CYP4F3: variants seen among roughly 807,000 people sequenced by gnomAD.
The protein encoded by CYP4F3 is cytochrome P450 4F3.
In CYP4F3, 50 loss-of-function variants were observed where a neutral mutation model predicts 54.8. That is an observed-to-expected ratio of 0.91 (90% CI 0.73 to 1.16). CYP4F3 has a LOEUF of 1.16. Among genes scored for constraint, CYP4F3 ranks in the 50% most tolerant of loss-of-function variants. The pLI is 0.00. For synonymous variants in CYP4F3, 244 were observed against 262.6 expected (o/e 0.93, Z 0.69); for missense variants, 715 against 676.2 (o/e 1.06, Z -0.64).
chr19:15,650,722 T>TTCTTTCTTTC (rs1568397936), intron 7 of CYP4F3, among the ~76,000 whole-genome samples: 1 of 46,730 alleles, frequency 2.1e-5, no homozygotes, highest in Non-Finnish European at 3.7e-5. Context: ...CTTTCTTTCT[T>TTCTTTCTTTC]TCTTTCTTTC....
In CYP4F3 at chr19:15,652,853, G is replaced by T; in HGVS notation, c.1016G>T (p.Trp339Leu). Residue 339 changes from tryptophan (W) to leucine (L), a missense_variant, in exon 9 of 13, where the codon TGG becomes TTG. By Grantham distance (61) the Trp-to-Leu change is moderately conservative. Transcript: ENST00000221307. ...GHDTTASGLS[W>L]VLYHLAKHPE... ...GACACCACAGCCAGTGGTCTCTCCT[G>T]GGTCCTGTACCACCTTGCAAAGCAC... 6.2e-7 allele frequency: 1 copy of T among 1,613,650 alleles called. No individual in the cohort carries two copies. The highest frequency in any genetic ancestry group is 8.5e-7 in the Non-Finnish European group (1 of 1,179,746).
Position 15,660,095 on chromosome 19 carries a change from T to C in CYP4F3, c.*710T>C, listed in dbSNP as rs1772046302. ...CAAAAGAATATGTTGTGAGCATCTT[T>C]CCATGATATTAAATCATCTTAGGAA... On this transcript the variant is annotated 3_prime_UTR_variant, in exon 13 of 13. Coordinates refer to ENST00000221307, the MANE Select transcript of CYP4F3 (RefSeq NM_000896.3). 1 of 152,264 alleles carries C rather than the reference T, an allele frequency of 6.6e-6. No homozygotes were observed. The highest frequency in any genetic ancestry group is 2.4e-5 in the African/African-American group (1 of 41,462). The allele number at this position is 152,264 out of a possible 1,614,324, so 9.4% of individuals were successfully genotyped here.
chr19:15,644,354 C>T (rs935668136), intron 2 of CYP4F3, among the ~76,000 whole-genome samples: 4 of 152,186 alleles, frequency 2.6e-5, no homozygotes, highest in African/African-American at 4.8e-5. Flanking sequence ...GAGACATCCC[C>T]AACTTCATGG....
At chr19:15,644,509 G>A (rs959815488) in intron 2 of CYP4F3, among the ~76,000 whole-genome samples, 2 of 152,222 alleles carry the variant, frequency 1.3e-5, no homozygotes, top group African/African-American at 4.8e-5. Context: ...GGAGAGTGCA[G>A]GGTGATGCAA....
chr19:15,645,325 G>T (rs1249353533), intron 2 of CYP4F3, among the ~76,000 whole-genome samples: 1 of 152,144 alleles, frequency 6.6e-6, no homozygotes, highest in Admixed American at 6.5e-5. Flanking sequence ...TACTGTTTTG[G>T]GGGCACAAAG....
chr19:15,659,075 A>T, intron 12 of CYP4F3, 145 bp from the exon 13 acceptor site: 1 of 1,283,636 alleles, frequency 7.8e-7, no homozygotes, highest in Non-Finnish European at 1.1e-6. Context: ...ATGCAAGCCC[A>T]CATGGGGATC....
chr19:15,661,854 A>G lies in CYP4F3; in HGVS notation c.*2469A>G, dbSNP rs993106096. ...TCCTACATTTTCTTTTAAAAGTTTT[A>G]TAGTTTCAGAGTTTACATGTAATTC... is the stretch of plus-strand genomic sequence containing the variant. On this transcript the variant is annotated 3_prime_UTR_variant, in exon 13 of 13. Coordinates refer to ENST00000221307, the MANE Select transcript of CYP4F3 (RefSeq NM_000896.3). 2.0e-5 allele frequency: 3 copies of G among 152,210 alleles called. No homozygotes were observed. The highest frequency in any genetic ancestry group is 7.2e-5 in the African/African-American group (3 of 41,448). 9.4% of individuals were successfully genotyped at this position (152,210 alleles called of 1,614,324 possible). A position where few individuals can be genotyped will look rare whatever the true frequency, so the allele number is the denominator to read the frequency against.
At position 15,649,301 on chromosome 19, in the gene CYP4F3, C is replaced by T; in HGVS notation, c.647+20C>T. 1 of 1,611,992 alleles carries T rather than the reference C, an allele frequency of 6.2e-7. No homozygotes were observed. Among genetic ancestry groups the T allele is most frequent in the Admixed American group, 1.7e-5 (1 of 59,906 alleles). On this transcript the variant is annotated intron_variant, in intron 6 of 12. Coordinates refer to ENST00000221307, the MANE Select transcript of CYP4F3 (RefSeq NM_000896.3). ...CCAGGAGTAAGTTCTTGCCCAGGGT[C>T]TGGGATCCTGGGCCGTGGACACAAA...
chr19:15,658,344 C>A lies in CYP4F3; in HGVS notation c.1196C>A (p.Ser399Tyr). The A allele has an allele frequency of 6.2e-7, 1 of 1,614,206 alleles. No individual in the cohort carries two copies. Among genetic ancestry groups the A allele is most frequent in the Non-Finnish European group, 8.5e-7 (1 of 1,180,040 alleles). Residue 399 changes from serine to tyrosine, a missense_variant, in exon 10 of 13, where the codon TCT becomes TAT. By Grantham distance (144) the Ser-to-Tyr change is moderately radical. Coordinates refer to ENST00000221307, the MANE Select transcript of CYP4F3 (RefSeq NM_000896.3). ...CTGCATCCCCCAGTCCCTGCCGTCT[C>A]TCGCTGCTGCACCCAAGACATTGTG... ...LRLHPPVPAVSRCCTQDIVLP... is the reference protein window; with the variant it reads ...LRLHPPVPAVYRCCTQDIVLP...
In CYP4F3 at chr19:15,641,531, A is replaced by C; in HGVS notation, c.116A>C (p.Tyr39Ser). 6.2e-7 allele frequency: 1 copy of C among 1,614,088 alleles called. No individual in the cohort carries two copies. The highest frequency in any genetic ancestry group is 8.5e-7 in the Non-Finnish European group (1 of 1,180,020). The change falls in exon 2 of 13, where the codon TAT becomes TCT. Residue 39 changes from tyrosine to serine, a missense_variant. Coordinates refer to ENST00000221307, the MANE Select transcript of CYP4F3 (RefSeq NM_000896.3). ...WLLARILAWT[Y>S]TFYDNCCRLR... ...CTGGCCCGCATCCTGGCCTGGACCT[A>C]TACCTTCTATGACAACTGCTGCCGC...
intron 12 of CYP4F3, 93 bp downstream of exon 12, chr19:15,658,902 C>A: frequency 6.8e-7 from 1 of 1,479,304 alleles, no homozygotes; most frequent in Non-Finnish European, 9.2e-7. Flanking sequence ...GTAGACGGTC[C>A]GAGTTCCAGC....
chr19:15,648,019 A>C (rs1972681951), intron 5 of CYP4F3, among the ~76,000 whole-genome samples: 2 of 152,308 alleles, frequency 1.3e-5, no homozygotes, highest in African/African-American at 4.8e-5. Context: ...AATCAATGGC[A>C]GGGGGTAAAA....
chr19:15,646,942 G>C (rs1039104797), intron 3 of CYP4F3, 110 bp from the exon 4 acceptor site: 6 of 1,481,854 alleles, frequency 4.0e-6, no homozygotes, highest in Non-Finnish European at 5.5e-6. Context: ...TTCTTGCTAT[G>C]TGGGGCTTGG....
chr19:15,657,325 T>G (rs1973053954), intron 9 of CYP4F3, among the ~76,000 whole-genome samples: 2 of 152,250 alleles, frequency 1.3e-5, no homozygotes, highest in Admixed American at 6.5e-5. Context: ...TGAGACAGTT[T>G]CACTCTTGTT....
In CYP4F3 at chr19:15,652,561, C is replaced by G. The variant is rs1972887607; in HGVS notation, c.919-8C>G. ...GGTGGGGGTGGGGGGTTATTGCCTT[C>G]TCTCCAGGATGAAGATGGGAAGAAG... On this transcript the variant is annotated splice_region_variant and splice_polypyrimidine_tract_variant and intron_variant, in intron 7 of 12. Coordinates refer to ENST00000221307, the MANE Select transcript of CYP4F3 (RefSeq NM_000896.3). 3.1e-6 allele frequency: 5 copies of G among 1,613,972 alleles called. No individual in the cohort carries two copies. The highest frequency in any genetic ancestry group is 2.7e-5 in the African/African-American group (2 of 74,888).
intron 9 of CYP4F3, among the ~76,000 whole-genome samples, chr19:15,653,670 C>T (rs748649548): frequency 3.4e-5 from 5 of 149,018 alleles, no homozygotes; most frequent in Non-Finnish European, 4.4e-5. Flanking sequence ...TAATTGGGTA[C>T]AGTTGGGGAG....
Position 15,662,430 on chromosome 19 carries a change from A to C in CYP4F3, c.*3045A>C, listed in dbSNP as rs1973202654. On this transcript the variant is annotated 3_prime_UTR_variant, in exon 13 of 13. Coordinates refer to ENST00000221307, the MANE Select transcript of CYP4F3 (RefSeq NM_000896.3). Reference sequence around the variant, plus strand: ...CTATTCCATGTTGGACCAATACCACACTGCCCTAGTCACTGTTGCATTATA... The same window carrying C: ...CTATTCCATGTTGGACCAATACCACCCTGCCCTAGTCACTGTTGCATTATA... 6.6e-6 allele frequency: 1 copy of C among 151,850 alleles called. No individual in the cohort carries two copies. The highest frequency in any genetic ancestry group is 2.4e-5 in the African/African-American group (1 of 41,314). The allele number at this position is 151,850 out of a possible 1,614,324, so 9.4% of individuals were successfully genotyped here. A position where few individuals can be genotyped will look rare whatever the true frequency, so the allele number is the denominator to read the frequency against.
Position 15,645,774 on chromosome 19 carries a change from G to C in CYP4F3, c.254G>C (p.Gly85Ala). The C allele has an allele frequency of 6.2e-7, 1 of 1,614,148 alleles. No homozygotes were observed. The highest frequency in any genetic ancestry group is 1.1e-5 in the South Asian group (1 of 91,078). ...LYTQSLACTF[G>A]DMCCWWVGPW... ...ACACAAAGCCTGGCATGCACCTTCG[G>C]TGATATGTGCTGCTGGTGGGTGGGG... is the stretch of plus-strand genomic sequence containing the variant. The change falls in exon 3 of 13, where the codon GGT becomes GCT. Residue 85 changes from glycine (G) to alanine (A), a missense_variant. Gly to Ala is a moderately conservative substitution (Grantham distance 60, BLOSUM62 0). Transcript: ENST00000221307.
intron 9 of CYP4F3, among the ~76,000 whole-genome samples, chr19:15,655,959 C>A (rs1445155251): frequency 6.6e-6 from 1 of 152,198 alleles, no homozygotes; most frequent in Non-Finnish European, 1.5e-5. Context: ...GCAATTTCAA[C>A]TAATACAATA....
Sources: allele counts gnomAD v4.1 joint callset (sites outside exome capture counted in the v4.1 genomes callset), GRCh38; gene constraint gnomAD v4.1.1; transcripts MANE v1.5; gene names NCBI Gene and HGNC (gene_info 2026-07-23, HGNC 2026-07-21).